Variants in ARHGAP24 observed in about 807,000 individuals in gnomAD.
ARHGAP24 encodes the protein rho GTPase-activating protein 24.
Under a neutral mutation model 76.4 loss-of-function variants are expected in ARHGAP24, and 50 were observed. That is an observed-to-expected ratio of 0.65 (90% CI 0.52 to 0.83). The LOEUF (loss-of-function observed/expected upper bound fraction) is 0.83, where lower values mean the gene tolerates loss of function less well. Among genes scored for constraint, ARHGAP24 ranks in the 40% least tolerant of loss-of-function variants. ARHGAP24 has a pLI of 0.00. For missense variants in ARHGAP24, 930 were observed against 914.2 expected (o/e 1.02, Z -0.22); for synonymous variants, 345 against 323.3 (o/e 1.07, Z -0.72).
At chr4:85,545,156 A>G (rs2110125443) in intron 1 of ARHGAP24, among the ~76,000 whole-genome samples, 1 of 152,040 alleles carries the variant, frequency 6.6e-6, no homozygotes, top group Non-Finnish European at 1.5e-5. Context: ...CTGGAATGCA[A>G]TGGCGCGATC....
chr4:85,905,286 C>T (rs1734709676), intron 3 of ARHGAP24, among the ~76,000 whole-genome samples: 1 of 152,008 alleles, frequency 6.6e-6, no homozygotes. Context: ...TTTTTTAAGT[C>T]ATACGGGCTA....
chr4:85,481,132 A>G (rs1208274873), intron 1 of ARHGAP24, among the ~76,000 whole-genome samples: 1 of 152,224 alleles, frequency 6.6e-6, no homozygotes, highest in Admixed American at 6.5e-5. Flanking sequence ...AGATATTTTT[A>G]CATACATTAC....
At chr4:85,672,526 C>T (rs1353303775) in intron 2 of ARHGAP24, among the ~76,000 whole-genome samples, 1 of 152,188 alleles carries the variant, frequency 6.6e-6, no homozygotes, top group Non-Finnish European at 1.5e-5. Context: ...ACAGGCTGAT[C>T]TTGGCAGTTG....
intron 8 of ARHGAP24, among the ~76,000 whole-genome samples, chr4:85,979,574 T>A (rs907364392): frequency 6.6e-6 from 1 of 152,200 alleles, no homozygotes; most frequent in Non-Finnish European, 1.5e-5. Context: ...ATACCTGTTA[T>A]ACTTGTTGTG....
At chr4:85,711,205 G>A (rs1442118267) in intron 2 of ARHGAP24, among the ~76,000 whole-genome samples, 1 of 152,034 alleles carries the variant, frequency 6.6e-6, no homozygotes, top group Non-Finnish European at 1.5e-5. Context: ...GAGAACACAT[G>A]AACACAGAGG....
chr4:85,595,823 A>G (rs948712889), intron 2 of ARHGAP24, among the ~76,000 whole-genome samples: 6 of 152,080 alleles, frequency 3.9e-5, no homozygotes, highest in Admixed American at 2.0e-4. Flanking sequence ...AATGCTAGGT[A>G]TGGTTATCAC....
At position 85,687,177 on chromosome 4, in the gene ARHGAP24, A is replaced by G. The variant is rs150979038; in HGVS notation, c.181-34708A>G. On this transcript the variant is annotated intron_variant, in intron 2 of 9. Transcript: ENST00000395184. ...TGTTGAGGGAGAAATTAGAAGTTGT[A>G]AAGATGCTTAGTTTGGGAAACAGAT... 5.3e-3 allele frequency among the ~76,000 whole-genome samples: 811 copies of G among 152,258 alleles called. 7 individuals are homozygous for G. Among genetic ancestry groups the G allele is most frequent in the African/African-American group, 0.018 (767 of 41,532 alleles).
chr4:85,802,586 G>T (rs979024810), intron 3 of ARHGAP24, among the ~76,000 whole-genome samples: 3 of 152,246 alleles, frequency 2.0e-5, no homozygotes, highest in Non-Finnish European at 2.9e-5. Context: ...GAGGTCGGGA[G>T]TTCCATACCA....
At chr4:85,593,866 T>A (rs116549564) in intron 2 of ARHGAP24, among the ~76,000 whole-genome samples, 405 of 152,298 alleles carry the variant, frequency 2.7e-3, no homozygotes, top group African/African-American at 9.0e-3. Flanking sequence ...CTTTGTGGTA[T>A]AATTTGAAGT....
intron 2 of ARHGAP24, among the ~76,000 whole-genome samples, chr4:85,669,769 G>A (rs1238075044): frequency 1.3e-5 from 2 of 148,396 alleles, no homozygotes; most frequent in Non-Finnish European, 3.0e-5. Flanking sequence ...TTAGTGGAAT[G>A]AACTCTTCCA....
chr4:85,826,984 GA>G (rs1729742051), intron 3 of ARHGAP24, among the ~76,000 whole-genome samples: 1 of 152,150 alleles, frequency 6.6e-6, no homozygotes, highest in Non-Finnish European at 1.5e-5. Context: ...CCACTTCTAA[GA>G]AGATCAAAAT....
intron 3 of ARHGAP24, among the ~76,000 whole-genome samples, chr4:85,830,822 C>T (rs529845938): frequency 8.5e-5 from 13 of 152,228 alleles, no homozygotes; most frequent in Non-Finnish European, 1.8e-4. Context: ...CTCAGTGGAC[C>T]GCTGGCTATA....
At chr4:85,721,558 C>T (rs761230447) in intron 2 of ARHGAP24, among the ~76,000 whole-genome samples, 1 of 152,142 alleles carries the variant, frequency 6.6e-6, no homozygotes, top group Non-Finnish European at 1.5e-5. Context: ...TAAGATTATA[C>T]TACCAATTAA....
At chr4:85,614,524 C>T (rs896911487) in intron 2 of ARHGAP24, among the ~76,000 whole-genome samples, 2 of 152,044 alleles carry the variant, frequency 1.3e-5, no homozygotes, top group Non-Finnish European at 2.9e-5. Flanking sequence ...TTAAGCTTTA[C>T]ATTTGTTGAC....
chr4:85,982,632 G>GAA (rs938091539), intron 8 of ARHGAP24, among the ~76,000 whole-genome samples: 10 of 152,084 alleles, frequency 6.6e-5, no homozygotes, highest in African/African-American at 2.4e-4. Flanking sequence ...AGTATTTAAA[G>GAA]AAAAAGTGTT....
At position 85,475,467 on chromosome 4, in the gene ARHGAP24, T is replaced by C; in HGVS notation, c.-113T>C. 6.5e-6 allele frequency: 1 copy of C among 152,698 alleles called. No homozygotes were observed. The highest frequency in any genetic ancestry group is 1.5e-5 in the Non-Finnish European group (1 of 68,094). 9.5% of individuals were successfully genotyped at this position (152,698 alleles called of 1,614,324 possible). A position where few individuals can be genotyped will look rare whatever the true frequency, so the allele number is the denominator to read the frequency against. ...AAAGTAAAGGAGCCTCACTACCACCTTTTTTTCTTTGCGTTTTCTTACTGC... is the reference window on the plus strand; with the variant it reads ...AAAGTAAAGGAGCCTCACTACCACCCTTTTTTCTTTGCGTTTTCTTACTGC... On this transcript the variant is annotated 5_prime_UTR_variant, in exon 1 of 10. Coordinates refer to ENST00000395184, the MANE Select transcript of ARHGAP24 (RefSeq NM_001025616.3).
chr4:85,893,591 A>G (rs1733959907), intron 3 of ARHGAP24, among the ~76,000 whole-genome samples: 1 of 102,932 alleles, frequency 9.7e-6, no homozygotes, highest in African/African-American at 3.9e-5. Context: ...GCTTGTCTAT[A>G]AAGTATTTTA....
At chr4:85,847,327 T>C (rs1289305979) in intron 3 of ARHGAP24, among the ~76,000 whole-genome samples, 3 of 152,120 alleles carry the variant, frequency 2.0e-5, no homozygotes, top group African/African-American at 7.2e-5. Context: ...AATACAGCAG[T>C]GTATTAAACT....
chr4:85,777,326 A>G (rs1180982701), intron 3 of ARHGAP24, among the ~76,000 whole-genome samples: 1 of 152,238 alleles, frequency 6.6e-6, no homozygotes, highest in Non-Finnish European at 1.5e-5. Context: ...TATTAAAACC[A>G]AACAGTGCAT....
Sources: allele counts gnomAD v4.1 joint callset (sites outside exome capture counted in the v4.1 genomes callset), GRCh38; gene constraint gnomAD v4.1.1; transcripts MANE v1.5; gene names NCBI Gene and HGNC (gene_info 2026-07-23, HGNC 2026-07-21).